Variants in DNAH7 observed in about 807,000 individuals in gnomAD.
DNAH7 encodes axonemal beta dynein heavy chain 7.
In DNAH7, 397 loss-of-function variants were observed where a neutral mutation model predicts 444.6. The observed-to-expected ratio is 0.89, with a 90% CI of 0.82 to 0.97. DNAH7 has a LOEUF of 0.97. DNAH7 is among the 50% of genes least tolerant of loss of function. The probability of loss-of-function intolerance (pLI) is 0.00; values close to 1 mark genes in which losing one functional copy is unlikely to be tolerated. For missense variants in DNAH7, 4,902 were observed against 4,800.8 expected (o/e 1.02, Z -0.62); for synonymous variants, 1,636 against 1,624.4 (o/e 1.01, Z -0.17).
At chr2:195,771,988 T>A in intron 60 of DNAH7, 98 bp from the exon 61 acceptor site, 1 of 979,952 alleles carries the variant, frequency 1.0e-6, no homozygotes, top group South Asian at 1.4e-5. Context: ...AGAAAGAACA[T>A]TGCTCTCTAT....
At chr2:195,967,381 GAGT>G (rs959194827) in intron 17 of DNAH7, among the ~76,000 whole-genome samples, 17 of 152,216 alleles carry the variant, frequency 1.1e-4, no homozygotes, top group African/African-American at 3.6e-4. Context: ...CTTAAGACAT[GAGT>G]AGTTTACATA....
chr2:195,900,245 T>G (rs373328431), intron 28 of DNAH7, 37 bp downstream of exon 28: 1 of 1,602,474 alleles, frequency 6.2e-7, no homozygotes, highest in Non-Finnish European at 8.5e-7. Context: ...AATCTACAAA[T>G]AGGAAATTTA....
In DNAH7 at chr2:195,809,836, A is replaced by G; in HGVS notation, c.9797T>C (p.Leu3266Pro). 6.3e-7 allele frequency: 1 copy of G among 1,587,690 alleles called. No homozygotes were observed. The highest frequency in any genetic ancestry group is 8.6e-7 in the Non-Finnish European group (1 of 1,166,640). ...GAGTGACCGGCAGACATTAACATACAGTGAATAAGTAAAGTGATCCTTGAG... is the reference window on the plus strand; with the variant it reads ...GAGTGACCGGCAGACATTAACATACGGTGAATAAGTAAAGTGATCCTTGAG... Reference protein sequence around the residue: ...QILKDHFTYSLYVNVCRSLFE... With the variant: ...QILKDHFTYSPYVNVCRSLFE... The change falls in exon 52 of 65, where the codon CTG (leucine) becomes CCG (proline). Residue 3266 changes from leucine to proline, a missense_variant. By Grantham distance (98) the Leu-to-Pro change is moderately conservative. Coordinates refer to ENST00000312428, the MANE Select transcript of DNAH7 (RefSeq NM_018897.3).
chr2:195,824,284 G>A lies in DNAH7; in HGVS notation c.9262C>T (p.Pro3088Ser). The change falls in exon 49 of 65, where the codon CCT (proline) becomes TCT (serine). Residue 3088 changes from proline to serine, a missense_variant. Pro to Ser is a moderately conservative substitution (Grantham distance 74). Coordinates refer to ENST00000312428, the MANE Select transcript of DNAH7 (RefSeq NM_018897.3). The stretch of plus-strand genomic sequence containing the variant: ...ACTGATGTTTCAGGAAGATAATGAG[G>A]ATTTCTTAACTTGGTAGTAATATAG... ...RFYITTKLRN[P>S]HYLPETSVKV... The A allele has an allele frequency of 1.9e-6, 3 of 1,613,006 alleles. No homozygotes were observed. Among genetic ancestry groups the A allele is most frequent in the Non-Finnish European group, 2.5e-6 (3 of 1,179,512 alleles).
intron 36 of DNAH7, among the ~76,000 whole-genome samples, chr2:195,878,685 T>C (rs1194966501): frequency 6.6e-6 from 1 of 152,142 alleles, no homozygotes; most frequent in African/African-American, 2.4e-5. Context: ...ATTGAGGCCA[T>C]CTAAAAACAG....
At chr2:195,951,235 T>C (rs376629849) in intron 19 of DNAH7, among the ~76,000 whole-genome samples, 62 of 152,302 alleles carry the variant, frequency 4.1e-4, no homozygotes, top group African/African-American at 1.5e-3. Context: ...TCAGTTTCCA[T>C]GTAGTTGTGT....
intron 1 of DNAH7, chr2:196,068,366 C>A: frequency 2.6e-6 from 1 of 387,980 alleles, no homozygotes. Context: ...GAACCCAAAC[C>A]CGCTGCAACT....
chr2:196,014,797 T>G (rs1694916522), intron 9 of DNAH7, among the ~76,000 whole-genome samples: 1 of 151,978 alleles, frequency 6.6e-6, no homozygotes, highest in Non-Finnish European at 1.5e-5. Flanking sequence ...GCCGTCCTCC[T>G]TTTTTTGTAA....
rs372195820 is a variant in DNAH7, at chr2:195,824,353, G to C, written c.9193C>G (p.Arg3065Gly). 3.1e-6 allele frequency: 5 copies of C among 1,613,584 alleles called. No individual in the cohort carries two copies. Among genetic ancestry groups the C allele is most frequent in the Admixed American group, 3.3e-5 (2 of 59,976 alleles). Reference sequence around the variant, plus strand: ...TATTCAATTGTGGAGTCCCCAAGCCGGATACATGTACTCCCACCCTGCTTA... The same window carrying C: ...TATTCAATTGTGGAGTCCCCAAGCCCGATACATGTACTCCCACCCTGCTTA... Reference protein sequence around the residue: ...TFKQGGSTCIRLGDSTIEYAP... With the variant: ...TFKQGGSTCIGLGDSTIEYAP... Residue 3065 changes from arginine (R) to glycine (G), a missense_variant, in exon 49 of 65, where the codon CGG becomes GGG. Coordinates refer to ENST00000312428, the MANE Select transcript of DNAH7 (RefSeq NM_018897.3).
rs183736067 is a variant in DNAH7 at position 195,958,813 on chromosome 2, T to C, written c.2892-1366A>G. Reference sequence around the variant, plus strand: ...ATGAGGTAAGGTCCATTGTAACATCTATTTATCAATGGAGAGACTAAGGCA... The same window carrying C: ...ATGAGGTAAGGTCCATTGTAACATCCATTTATCAATGGAGAGACTAAGGCA... On this transcript the variant is annotated intron_variant, in intron 18 of 64. Coordinates refer to ENST00000312428, the MANE Select transcript of DNAH7 (RefSeq NM_018897.3). Among the ~76,000 whole-genome samples, 229 of 152,296 alleles carry C rather than the reference T, an allele frequency of 1.5e-3. 1 individual carries two copies. Among genetic ancestry groups the C allele is most frequent in the African/African-American group, 5.1e-3 (210 of 41,570 alleles).
chr2:195,962,539 A>T (rs928666533), intron 17 of DNAH7, among the ~76,000 whole-genome samples: 1 of 152,098 alleles, frequency 6.6e-6, no homozygotes, highest in African/African-American at 2.4e-5. Flanking sequence ...TAGTGGAGAT[A>T]GGGTTTCACC....
In DNAH7 at chr2:195,958,722, A is replaced by T. The variant is rs1332834884; in HGVS notation, c.2892-1275T>A. 2.0e-5 allele frequency among the ~76,000 whole-genome samples: 3 copies of T among 152,304 alleles called. No homozygotes were observed. The East Asian group carries it at 5.8e-4, about 29-fold the overall frequency. The stretch of plus-strand genomic sequence containing the variant: ...CAAGAATAAATATAATTACTCCATA[A>T]ACTAATAATTTTACAAGTACATTTC... On this transcript the variant is annotated intron_variant, in intron 18 of 64. Coordinates refer to ENST00000312428, the MANE Select transcript of DNAH7 (RefSeq NM_018897.3).
intron 24 of DNAH7, among the ~76,000 whole-genome samples, chr2:195,913,484 G>A (rs1574749695): frequency 6.6e-6 from 1 of 151,936 alleles, no homozygotes; most frequent in African/African-American, 2.4e-5. Context: ...GAAAAACAAA[G>A]CAAAACAAAA....
intron 17 of DNAH7, among the ~76,000 whole-genome samples, chr2:195,965,248 C>T (rs1237053682): frequency 1.3e-5 from 2 of 152,076 alleles, no homozygotes; most frequent in Admixed American, 1.3e-4. Context: ...GTCGTTCATT[C>T]TCTTTATATG....
intron 17 of DNAH7, among the ~76,000 whole-genome samples, chr2:195,961,499 T>C (rs994851955): frequency 1.1e-4 from 17 of 152,202 alleles, no homozygotes; most frequent in Admixed American, 9.8e-4. Context: ...GGTATTTGTC[T>C]TTCTGTGCCT....
At chr2:195,820,238 T>C (rs991589797) in intron 49 of DNAH7, among the ~76,000 whole-genome samples, 105 of 151,722 alleles carry the variant, frequency 6.9e-4, no homozygotes, top group African/African-American at 2.4e-3. Flanking sequence ...AAGTGGGAGT[T>C]GAACAATGAG....
Position 195,855,655 on chromosome 2 carries a change from C to T in DNAH7, c.8595+156G>A, listed in dbSNP as rs149926902. ...AACCATTATTAGCTCTTGGGCCACA[C>T]GAAAACAGGCGATGGGCAGATGTGG... On this transcript the variant is annotated intron_variant, in intron 45 of 64. Coordinates refer to ENST00000312428, the MANE Select transcript of DNAH7 (RefSeq NM_018897.3). Among the ~76,000 whole-genome samples, 322 of 152,206 alleles carry T rather than the reference C, an allele frequency of 2.1e-3. 1 individual carries two copies. The highest frequency in any genetic ancestry group is 7.6e-3 in the African/African-American group (317 of 41,526).
chr2:195,853,851 T>C (rs6713977), intron 45 of DNAH7, among the ~76,000 whole-genome samples: 29,814 of 152,120 alleles, frequency 0.2, 4,207 homozygotes, highest in African/African-American at 0.4. Flanking sequence ...ATATTTTCCC[T>C]CCATTTTAAA....
intron 9 of DNAH7, among the ~76,000 whole-genome samples, chr2:196,017,973 C>T (rs1695134229): frequency 6.6e-6 from 1 of 151,922 alleles, no homozygotes; most frequent in Non-Finnish European, 1.5e-5. Flanking sequence ...TTCAGAGTAT[C>T]GAAGGAAACT....
Sources: gnomAD v4.1 joint callset for allele counts (sites outside exome capture counted in the v4.1 genomes callset) on GRCh38, gnomAD v4.1.1 for gene constraint, MANE v1.5 for transcripts, NCBI Gene and HGNC (gene_info 2026-07-23, HGNC 2026-07-21) for gene names.